Variants in PTBP2 observed in about 807,000 individuals in gnomAD.
PTBP2 encodes the protein polypyrimidine tract-binding protein 2.
Under a neutral mutation model 61.4 loss-of-function variants are expected in PTBP2, and 13 were observed. The observed-to-expected ratio is 0.21, with a 90% CI of 0.14 to 0.34. The LOEUF is 0.34. Ranked by LOEUF, PTBP2 falls within the 10% of genes least tolerant of loss-of-function variation. The probability of loss-of-function intolerance (pLI) is 1.00; values close to 1 mark genes in which losing one functional copy is unlikely to be tolerated. For synonymous variants in PTBP2, 215 were observed against 218.5 expected (o/e 0.98, Z 0.14); for missense variants, 405 against 642.6 (o/e 0.63, Z 4.00).
intron 11 of PTBP2, among the ~76,000 whole-genome samples, chr1:96,812,315 G>A (rs2101264928): frequency 6.6e-6 from 1 of 152,268 alleles, no homozygotes; most frequent in South Asian, 2.1e-4. Context: ...GCGAGAAGTA[G>A]AGAAACAGAT....
intron 2 of PTBP2, among the ~76,000 whole-genome samples, chr1:96,725,612 T>A (rs1218210682): frequency 6.6e-6 from 1 of 152,180 alleles, no homozygotes; most frequent in African/African-American, 2.4e-5. Flanking sequence ...AAATCGTTTT[T>A]AAAAATCCAT....
intron 3 of PTBP2, among the ~76,000 whole-genome samples, chr1:96,766,677 T>C (rs1007804317): frequency 2.0e-5 from 3 of 152,194 alleles, no homozygotes; most frequent in South Asian, 2.1e-4. Context: ...ATGAAGACTT[T>C]TATAATATTT....
At chr1:96,725,783 A>G (rs1268556618) in intron 2 of PTBP2, among the ~76,000 whole-genome samples, 1 of 152,070 alleles carries the variant, frequency 6.6e-6, no homozygotes, top group East Asian at 1.9e-4. Context: ...GCATGTGCAT[A>G]TTTAAAAAAA....
At chr1:96,760,465 G>GA (rs1210621303) in intron 3 of PTBP2, among the ~76,000 whole-genome samples, 5 of 17,854 alleles carry the variant, frequency 2.8e-4, no homozygotes, top group African/African-American at 1.3e-3. Flanking sequence ...TTTTTTTTTT[G>GA]AGACAGAGTC....
At chr1:96,794,652 G>A (rs1207406055) in intron 8 of PTBP2, among the ~76,000 whole-genome samples, 1 of 152,108 alleles carries the variant, frequency 6.6e-6, no homozygotes, top group Non-Finnish European at 1.5e-5. Context: ...GAGTAACAGG[G>A]TTTCTGTTCT....
At chr1:96,724,889 G>C (rs749990797) in intron 2 of PTBP2, among the ~76,000 whole-genome samples, 1 of 151,958 alleles carries the variant, frequency 6.6e-6, no homozygotes, top group Non-Finnish European at 1.5e-5. Flanking sequence ...ATAATGATGT[G>C]GTGTTCTTTC....
intron 8 of PTBP2, among the ~76,000 whole-genome samples, chr1:96,793,160 T>A (rs1660025324): frequency 6.6e-6 from 1 of 152,218 alleles, no homozygotes; most frequent in African/African-American, 2.4e-5. Context: ...TGTGTTTTAA[T>A]ATCTAAGAAG....
chr1:96,791,828 T>TTTTTTTTTTTTTTTTTTG (rs1557759125), intron 8 of PTBP2, among the ~76,000 whole-genome samples: 9 of 75,694 alleles, frequency 1.2e-4, no homozygotes, highest in African/African-American at 4.2e-4. Context: ...GAGTTGTGCT[T>TTTTTTTTTTTTTTTTTTG]TTTTTTTTTT....
chr1:96,767,669 A>G (rs899216767), intron 3 of PTBP2, among the ~76,000 whole-genome samples: 2 of 152,096 alleles, frequency 1.3e-5, no homozygotes, highest in Admixed American at 1.3e-4. Context: ...GTTTTAAAGT[A>G]TATGTGTATT....
chr1:96,791,826 C>CTTTT (rs1163642886), intron 8 of PTBP2, among the ~76,000 whole-genome samples: 39 of 66,116 alleles, frequency 5.9e-4, no homozygotes, highest in Non-Finnish European at 6.5e-4. Context: ...TGGAGTTGTG[C>CTTTT]TTTTTTTTTT....
chr1:96,763,760 G>GT (rs1266946843), intron 3 of PTBP2, among the ~76,000 whole-genome samples: 1 of 152,132 alleles, frequency 6.6e-6, no homozygotes, highest in African/African-American at 2.4e-5. Flanking sequence ...CAAGAAGTCA[G>GT]TTTATTTAAC....
chr1:96,760,485 C>CA (rs1369714499), intron 3 of PTBP2, among the ~76,000 whole-genome samples: 1 of 115,894 alleles, frequency 8.6e-6, no homozygotes, highest in Non-Finnish European at 1.6e-5. Flanking sequence ...CTTGCTCTGT[C>CA]ACCAGGCTGG....
At chr1:96,784,503 G>A (rs1270413245) in intron 7 of PTBP2, among the ~76,000 whole-genome samples, 1 of 152,048 alleles carries the variant, frequency 6.6e-6, no homozygotes, top group Non-Finnish European at 1.5e-5. Context: ...ATCTGATTGG[G>A]GGTGAACATT....
chr1:96,795,990 C>G (rs1660339966), intron 8 of PTBP2, among the ~76,000 whole-genome samples: 1 of 152,070 alleles, frequency 6.6e-6, no homozygotes, highest in African/African-American at 2.4e-5. Flanking sequence ...ATGCTTGCTA[C>G]CTATTAACTA....
chr1:96,734,772 G>C (rs1651919660), intron 2 of PTBP2, among the ~76,000 whole-genome samples: 1 of 151,266 alleles, frequency 6.6e-6, no homozygotes, highest in Non-Finnish European at 1.5e-5. Context: ...TTTAAGTGGT[G>C]GGTTTTTATT....
At chr1:96,747,866 T>C (rs1241766682) in intron 2 of PTBP2, among the ~76,000 whole-genome samples, 2 of 152,116 alleles carry the variant, frequency 1.3e-5, no homozygotes, top group African/African-American at 4.8e-5. Context: ...AAGTTTTCCC[T>C]GTATTTGTGT....
chr1:96,722,710 T>C (rs1570667528), intron 1 of PTBP2, among the ~76,000 whole-genome samples: 1 of 152,194 alleles, frequency 6.6e-6, no homozygotes, highest in East Asian at 1.9e-4. Flanking sequence ...CTTTAGCTAC[T>C]TTGGTCAGTT....
chr1:96,776,101 C>T (rs1658005463), intron 5 of PTBP2, among the ~76,000 whole-genome samples: 1 of 151,802 alleles, frequency 6.6e-6, no homozygotes, highest in South Asian at 2.1e-4. Flanking sequence ...ACTTTTATAC[C>T]ATGATCATGG....
downstream of PTBP2, chr1:96,817,394 G>T (rs1034927573): frequency 6.6e-6 from 1 of 151,938 alleles, no homozygotes; most frequent in Non-Finnish European, 1.5e-5. Context: ...ATTTTAAACC[G>T]TAATATTCAT....
Sources: allele counts gnomAD v4.1 joint callset (sites outside exome capture counted in the v4.1 genomes callset), GRCh38; gene constraint gnomAD v4.1.1; transcripts MANE v1.5; gene names NCBI Gene and HGNC (gene_info 2026-07-23, HGNC 2026-07-21).